TET2: variants seen among roughly 807,000 people sequenced by gnomAD.
TET2 encodes the protein methylcytosine dioxygenase TET2.
A neutral mutation model predicts 142.9 loss-of-function variants in TET2; 299 were observed. The observed-to-expected ratio is 2.09, with a 90% CI of 1.90 to 2.30. TET2 has a LOEUF of 2.30. Among genes scored for constraint, TET2 ranks in the 30% most tolerant of loss-of-function variants. TET2 has a pLI of 0.00. For synonymous variants in TET2, 819 were observed against 849.0 expected, an observed-to-expected ratio of 0.96 and a Z score of 0.61; for missense variants, 2,418 against 2,378.0, an observed-to-expected ratio of 1.02 and a Z score of -0.35.
At chr4:105,186,558 C>G (rs1361073999) in intron 1 of TET2, among the ~76,000 whole-genome samples, 1 of 150,792 alleles carries the variant, frequency 6.6e-6, no homozygotes, top group Non-Finnish European at 1.5e-5. Flanking sequence ...TTATTGCAAC[C>G]TCCGCCTCCT....
intron 6 of TET2, among the ~76,000 whole-genome samples, chr4:105,249,510 G>A (rs562893779): frequency 8.5e-5 from 13 of 152,218 alleles, no homozygotes; most frequent in African/African-American, 3.1e-4. Context: ...TTAACTTTTT[G>A]AAGAACTGCC....
Position 105,277,806 on chromosome 4 carries a change from C to T in TET2, c.*1287C>T, listed in dbSNP as rs1578744119. 1 of 226,978 alleles carries T rather than the reference C, an allele frequency of 4.4e-6. No individual in the cohort carries two copies. Among genetic ancestry groups the T allele is most frequent in the South Asian group, 1.8e-4 (1 of 5,468 alleles). The allele number at this position is 226,978 out of a possible 1,614,324, so 14.1% of individuals were successfully genotyped here. A position where few individuals can be genotyped will look rare whatever the true frequency, so the allele number is the denominator to read the frequency against. ...AATTAGCTGCATGCTGCAGACTCAA[C>T]AAAGCTAGTTCACTGAAGCCTATGC... On this transcript the variant is annotated 3_prime_UTR_variant, in exon 11 of 11. Coordinates refer to ENST00000380013, the MANE Select transcript of TET2 (RefSeq NM_001127208.3).
Position 105,272,839 on chromosome 4 carries a change from A to G in TET2, c.4458A>G (p.Ser1486=). 4 of 1,551,366 alleles carry G rather than the reference A, an allele frequency of 2.6e-6. No individual in the cohort carries two copies. The highest frequency in any genetic ancestry group is 3.5e-6 in the Non-Finnish European group (4 of 1,146,902). ...AEKLSSLENS[S]NKNEKEKSAP... ...AGCTTTCCTCCCTGGAGAACAGCTC[A>G]AATAAAAATGAAAAGGAAAAGTCAG... The change falls in exon 10 of 11, where the codon TCA becomes TCG. Residue 1486 remains serine, a synonymous_variant. Transcript: ENST00000380013.
At chr4:105,161,437 AATG>A (rs1723853522) in intron 1 of TET2, among the ~76,000 whole-genome samples, 1 of 152,202 alleles carries the variant, frequency 6.6e-6, no homozygotes, top group Admixed American at 6.5e-5. Context: ...TCGGACTATA[AATG>A]ATGTATTTCT....
chr4:105,167,516 T>C (rs1490867083), intron 1 of TET2, among the ~76,000 whole-genome samples: 1 of 152,110 alleles, frequency 6.6e-6, no homozygotes, highest in Non-Finnish European at 1.5e-5. Flanking sequence ...AGAAAAAATA[T>C]GTATATAATA....
chr4:105,148,908 ACTTT>A (rs1420663994), intron 1 of TET2, among the ~76,000 whole-genome samples: 12 of 152,136 alleles, frequency 7.9e-5, no homozygotes, highest in African/African-American at 2.2e-4. Context: ...TCACTTTGTA[ACTTT>A]CTATTTTGAT....
chr4:105,236,978 A>C lies in TET2; in HGVS notation c.3036A>C (p.Pro1012=). ...AAAAGGTAACTAAGCAAGAGAATCC[A>C]CCTGCAAGCTGTGATAATGTGCAGC... ...TWKKVTKQEN[P]PASCDNVQQK... Residue 1012 remains proline, a synonymous_variant, in exon 3 of 11, where the codon CCA becomes CCC. Transcript: ENST00000380013. 1.2e-6 allele frequency: 2 copies of C among 1,614,152 alleles called. No homozygotes were observed. Among genetic ancestry groups the C allele is most frequent in the Middle Eastern group, 3.3e-4 (2 of 6,062 alleles).
At chr4:105,263,902 G>A (rs1730561884) in intron 8 of TET2, among the ~76,000 whole-genome samples, 1 of 152,080 alleles carries the variant, frequency 6.6e-6, no homozygotes, top group Non-Finnish European at 1.5e-5. Context: ...AGGAAAGCTG[G>A]AATGATGAGA....
At chr4:105,224,381 G>C (rs973260339) in intron 2 of TET2, among the ~76,000 whole-genome samples, 1 of 152,102 alleles carries the variant, frequency 6.6e-6, no homozygotes. Context: ...ATGCATCATA[G>C]CATCTTCAAA....
intron 1 of TET2, among the ~76,000 whole-genome samples, chr4:105,180,544 CAT>C (rs1306166445): frequency 6.6e-6 from 1 of 152,138 alleles, no homozygotes. Context: ...TTTAGAATCT[CAT>C]GACACTTAAA....
At position 105,269,719 on chromosome 4, in the gene TET2, TG is replaced by T; in HGVS notation, c.4155del (p.Leu1385PhefsTer63). ...TTCTGTGCTCATGCCCACAGAGACT[TG>T]CACAACATGCAGAATGGCAGCACAT... ...LDFCAHAHRD[L>X]HNMQNGSTLV... On this transcript the variant is annotated frameshift_variant, in exon 9 of 11. Transcript: ENST00000380013. LOFTEE classifies it high-confidence loss of function. The T allele has an allele frequency of 6.4e-7, 1 of 1,551,652 alleles. No individual in the cohort carries two copies. The highest frequency in any genetic ancestry group is 8.7e-7 in the Non-Finnish European group (1 of 1,146,944).
chr4:105,167,130 G>GT (rs974695576), intron 1 of TET2, among the ~76,000 whole-genome samples: 19 of 151,518 alleles, frequency 1.3e-4, no homozygotes, highest in African/African-American at 4.4e-4. Context: ...TTTTTCATCT[G>GT]TTTATCTCTG....
chr4:105,170,374 A>G (rs549930404), intron 1 of TET2, among the ~76,000 whole-genome samples: 2 of 152,212 alleles, frequency 1.3e-5, no homozygotes, highest in South Asian at 4.2e-4. Context: ...AGTCCCAGCT[A>G]CTCTGAAGGC....
At chr4:105,199,313 C>T (rs937287950) in intron 2 of TET2, among the ~76,000 whole-genome samples, 3 of 152,030 alleles carry the variant, frequency 2.0e-5, no homozygotes, top group Non-Finnish European at 4.4e-5. Flanking sequence ...ATAGTAAGAG[C>T]GTACGATTTA....
chr4:105,275,206 A>G lies in TET2; in HGVS notation c.4696A>G (p.Thr1566Ala). The change falls in exon 11 of 11, where the codon ACC (threonine) becomes GCC (alanine). Residue 1566 changes from threonine (T) to alanine (A), a missense_variant. Coordinates refer to ENST00000380013, the MANE Select transcript of TET2 (RefSeq NM_001127208.3). ...CAACTCTTATTCTGCTTCTGGATCC[A>G]CCAATCCATACATGAGACGGCCCAA... ...SVNSYSASGS[T>A]NPYMRRPNPV... 1 of 1,552,254 alleles carries G rather than the reference A, an allele frequency of 6.4e-7. No homozygotes were observed. The highest frequency in any genetic ancestry group is 8.7e-7 in the Non-Finnish European group (1 of 1,147,098).
chr4:105,153,805 T>C (rs1287234833), intron 1 of TET2, among the ~76,000 whole-genome samples: 1 of 152,190 alleles, frequency 6.6e-6, no homozygotes, highest in Non-Finnish European at 1.5e-5. Context: ...GTAGAGAAAG[T>C]CATAAAAGGA....
chr4:105,239,167 TTTG>T (rs1240793105), intron 3 of TET2: 3 of 239,404 alleles, frequency 1.3e-5, no homozygotes, highest in African/African-American at 6.7e-5. Flanking sequence ...TCATCCAGAC[TTTG>T]TTGTTCCATT....
At chr4:105,205,655 G>C (rs1216356580) in intron 2 of TET2, among the ~76,000 whole-genome samples, 1 of 151,524 alleles carries the variant, frequency 6.6e-6, no homozygotes, top group Non-Finnish European at 1.5e-5. Context: ...TTTTTTTTGA[G>C]TTTTTCACTC....
At chr4:105,224,684 G>GTCTCTCCCTCTCTC (rs1728065776) in intron 2 of TET2, among the ~76,000 whole-genome samples, 1 of 108,106 alleles carries the variant, frequency 9.3e-6, no homozygotes, top group South Asian at 3.3e-4. Flanking sequence ...ATATCAGCCA[G>GTCTCTCCCTCTCTC]TCTCTCTCTC....
Sources: gnomAD v4.1 joint callset for allele counts (sites outside exome capture counted in the v4.1 genomes callset) on GRCh38, gnomAD v4.1.1 for gene constraint, MANE v1.5 for transcripts, NCBI Gene and HGNC (gene_info 2026-07-23, HGNC 2026-07-21) for gene names.